SLIT3: variants seen among roughly 807,000 people sequenced by gnomAD.
The protein encoded by SLIT3 is slit homolog 3 protein.
SLIT3 carries 68 observed loss-of-function variants against 184.0 expected under a neutral mutation model. That is an observed-to-expected ratio of 0.37 (90% confidence interval 0.30 to 0.45). The LOEUF is 0.45. Among genes scored for constraint, SLIT3 ranks in the 20% least tolerant of loss-of-function variants. The pLI is 1.00. For missense variants in SLIT3, 1,707 were observed against 2,026.0 expected, an observed-to-expected ratio of 0.84 and a Z score of 3.02; for synonymous variants, 831 against 828.6, an observed-to-expected ratio of 1.00 and a Z score of -0.05.
intron 4 of SLIT3, among the ~76,000 whole-genome samples, chr5:169,187,750 C>CA (rs2113457670): frequency 6.6e-6 from 1 of 151,892 alleles, no homozygotes; most frequent in African/African-American, 2.4e-5. Flanking sequence ...GACGGGGTTT[C>CA]ACCACATTGG....
chr5:168,676,085 A>C (rs932052352), intron 32 of SLIT3, among the ~76,000 whole-genome samples: 10 of 151,424 alleles, frequency 6.6e-5, no homozygotes, highest in African/African-American at 2.4e-4. Context: ...TCCATCCTTC[A>C]TCTACCCACC....
At chr5:168,772,696 C>T (rs1755596906) in intron 14 of SLIT3, 85 bp downstream of exon 14, 2 of 1,482,458 alleles carry the variant, frequency 1.3e-6, no homozygotes, top group African/African-American at 2.8e-5. Flanking sequence ...ACAGTGCTCG[C>T]TGTCCTCCAG....
At chr5:169,280,752 C>G (rs1766967841) in intron 1 of SLIT3, among the ~76,000 whole-genome samples, 1 of 152,130 alleles carries the variant, frequency 6.6e-6, no homozygotes, top group Non-Finnish European at 1.5e-5. Flanking sequence ...CTTTGCTGGC[C>G]AGGTAGGAAG....
At chr5:168,826,970 G>C (rs1430346538) in intron 6 of SLIT3, among the ~76,000 whole-genome samples, 2 of 152,118 alleles carry the variant, frequency 1.3e-5, no homozygotes, top group Non-Finnish European at 2.9e-5. Context: ...TGCCATGTTG[G>C]CCAGGCTGGT....
Position 168,708,187 on chromosome 5 carries a change from C to A in SLIT3, c.2720-87G>T, listed in dbSNP as rs548809682. On this transcript the variant is annotated intron_variant, in intron 25 of 35. Transcript: ENST00000519560. The stretch of plus-strand genomic sequence containing the variant: ...TTCCCCTCTGCTCTGGGCCCTCCCT[C>A]AGCCAGCGCCAGCCCCTTCCCAACT... 2.0e-4 allele frequency: 312 copies of A among 1,565,074 alleles called. 1 individual carries two copies. Among genetic ancestry groups the A allele is most frequent in the East Asian group, 5.7e-4 (25 of 43,858 alleles).
intron 1 of SLIT3, among the ~76,000 whole-genome samples, chr5:169,294,458 C>CAGAG (rs1003793120): frequency 5.3e-5 from 8 of 152,232 alleles, no homozygotes; most frequent in Admixed American, 2.0e-4. Context: ...GGACCAAGAG[C>CAGAG]AGAGAGAGAA....
chr5:168,808,795 C>A (rs1757065076), intron 8 of SLIT3, among the ~76,000 whole-genome samples: 1 of 152,188 alleles, frequency 6.6e-6, no homozygotes, highest in Non-Finnish European at 1.5e-5. Context: ...CATCCCATCA[C>A]CCACATCGAA....
chr5:169,258,188 G>A (rs915279767), intron 1 of SLIT3, among the ~76,000 whole-genome samples: 35 of 152,042 alleles, frequency 2.3e-4, no homozygotes, highest in Non-Finnish European at 1.0e-4. Context: ...TTGAACCTGG[G>A]CTCTCTGAAT....
chr5:168,901,268 G>T (rs1760862971), intron 4 of SLIT3, among the ~76,000 whole-genome samples: 1 of 152,166 alleles, frequency 6.6e-6, no homozygotes, highest in African/African-American at 2.4e-5. Flanking sequence ...GGAGGCTGAG[G>T]CGGGAGAATG....
In SLIT3 at chr5:169,232,484, C is replaced by T. The variant is rs374748458; in HGVS notation, c.341+12221G>A. Reference sequence around the variant, plus strand: ...AGGTGATCCACTCACCTCAGCCTCCCTAAGTGCTGAGATTACAGGCACAAA... The same window carrying T: ...AGGTGATCCACTCACCTCAGCCTCCTTAAGTGCTGAGATTACAGGCACAAA... On this transcript the variant is annotated intron_variant, in intron 3 of 35. Coordinates refer to ENST00000519560, the MANE Select transcript of SLIT3 (RefSeq NM_003062.4). 2.0e-5 allele frequency among the ~76,000 whole-genome samples: 3 copies of T among 152,306 alleles called. 1 individual carries two copies. The East Asian group carries it at 5.8e-4, about 29-fold the overall frequency.
intron 4 of SLIT3, among the ~76,000 whole-genome samples, chr5:169,042,304 T>A (rs952723636): frequency 1.3e-5 from 2 of 152,172 alleles, no homozygotes; most frequent in Admixed American, 1.3e-4. Flanking sequence ...CAAGATCTCA[T>A]GAAAAATTAA....
chr5:168,912,721 A>G (rs998508703), intron 4 of SLIT3, among the ~76,000 whole-genome samples: 14 of 152,200 alleles, frequency 9.2e-5, no homozygotes, highest in South Asian at 2.1e-4. Context: ...TATGCATTTT[A>G]TGAAGAAACT....
At chr5:169,252,403 G>A (rs927411299) in intron 1 of SLIT3, among the ~76,000 whole-genome samples, 1 of 152,224 alleles carries the variant, frequency 6.6e-6, no homozygotes, top group African/African-American at 2.4e-5. Flanking sequence ...TGGTGGCGGT[G>A]ATATTGAAGT....
At chr5:168,981,220 T>G (rs1299591698) in intron 4 of SLIT3, among the ~76,000 whole-genome samples, 1 of 152,226 alleles carries the variant, frequency 6.6e-6, no homozygotes, top group Non-Finnish European at 1.5e-5. Flanking sequence ...GCATGTAATT[T>G]GGACCACGTG....
chr5:169,096,488 C>T lies in SLIT3; in HGVS notation c.413+96991G>A, dbSNP rs1759787164. ...ACAACTACTGGACTCTGCCCTTGTGCCTGAAAAGCAGCCATAGATATGTAA... is the reference window on the plus strand; with the variant it reads ...ACAACTACTGGACTCTGCCCTTGTGTCTGAAAAGCAGCCATAGATATGTAA... On this transcript the variant is annotated intron_variant, in intron 4 of 35. Coordinates refer to ENST00000519560, the MANE Select transcript of SLIT3 (RefSeq NM_003062.4). 2.6e-5 allele frequency among the ~76,000 whole-genome samples: 4 copies of T among 152,220 alleles called. No individual in the cohort carries two copies. The South Asian group carries it at 8.3e-4, about 32-fold the overall frequency.
intron 3 of SLIT3, among the ~76,000 whole-genome samples, chr5:169,225,192 G>A (rs573678717): frequency 6.6e-6 from 1 of 152,222 alleles, no homozygotes; most frequent in African/African-American, 2.4e-5. Flanking sequence ...TCTACAAGAA[G>A]TGTTTTACAG....
At chr5:169,260,934 T>A (rs149893002) in intron 1 of SLIT3, among the ~76,000 whole-genome samples, 2 of 152,240 alleles carry the variant, frequency 1.3e-5, no homozygotes, top group Non-Finnish European at 2.9e-5. Flanking sequence ...AAAGGCCAGA[T>A]AGTAAATAAT....
chr5:168,829,015 T>C (rs1757797992), intron 6 of SLIT3, among the ~76,000 whole-genome samples: 1 of 152,202 alleles, frequency 6.6e-6, no homozygotes, highest in African/African-American at 2.4e-5. Context: ...TAACCACCTT[T>C]GGAGAGCTCC....
At chr5:168,767,193 C>T (rs924242417) in intron 14 of SLIT3, among the ~76,000 whole-genome samples, 4 of 152,182 alleles carry the variant, frequency 2.6e-5, no homozygotes, top group African/African-American at 9.7e-5. Flanking sequence ...GGTTGGGCTC[C>T]TGGTTCTGAG....
Sources: gnomAD v4.1 joint callset for allele counts (sites outside exome capture counted in the v4.1 genomes callset) on GRCh38, gnomAD v4.1.1 for gene constraint, MANE v1.5 for transcripts, NCBI Gene and HGNC (gene_info 2026-07-23, HGNC 2026-07-21) for gene names.